Variants in NTM observed in about 807,000 individuals in gnomAD.
The protein encoded by NTM is neurotrimin.
NTM carries 13 observed loss-of-function variants against 42.1 expected under a neutral mutation model. That is an observed-to-expected ratio of 0.31 (90% CI 0.20 to 0.49). The LOEUF is 0.49. Among genes scored for constraint, NTM ranks in the 20% least tolerant of loss-of-function variants. The pLI is 0.99. For missense variants in NTM, 373 were observed against 452.8 expected (o/e 0.82, Z 1.60); for synonymous variants, 187 against 179.2 (o/e 1.04, Z -0.35).
chr11:131,966,894 G>T (rs2062905036), intron 2 of NTM, among the ~76,000 whole-genome samples: 1 of 152,204 alleles, frequency 6.6e-6, no homozygotes, highest in Non-Finnish European at 1.5e-5. Flanking sequence ...ACAGATGGTG[G>T]TGAGGAAGGT....
At chr11:131,554,788 T>C (rs970161494) in intron 1 of NTM, among the ~76,000 whole-genome samples, 1 of 152,142 alleles carries the variant, frequency 6.6e-6, no homozygotes, top group Admixed American at 6.5e-5. Flanking sequence ...TCCCTTCCTT[T>C]TTGGAGAACC....
chr11:131,437,239 G>C (rs1565499150), intron 1 of NTM, among the ~76,000 whole-genome samples: 1 of 152,204 alleles, frequency 6.6e-6, no homozygotes, highest in Non-Finnish European at 1.5e-5. Context: ...GCGATGTGGT[G>C]CTGAGAAGAA....
chr11:132,188,308 G>A (rs2078755823), intron 3 of NTM, among the ~76,000 whole-genome samples: 1 of 152,172 alleles, frequency 6.6e-6, no homozygotes, highest in Non-Finnish European at 1.5e-5. Context: ...AGGAGACAAA[G>A]CTGAAGACTT....
intron 2 of NTM, among the ~76,000 whole-genome samples, chr11:132,080,502 C>A (rs2058897201): frequency 6.6e-6 from 1 of 152,240 alleles, no homozygotes; most frequent in Non-Finnish European, 1.5e-5. Context: ...GACTAATGGG[C>A]AACTTTGGCT....
At chr11:131,794,544 C>T (rs1021810027) in intron 1 of NTM, 5 of 983,920 alleles carry the variant, frequency 5.1e-6, no homozygotes, top group Non-Finnish European at 6.0e-6. Context: ...CTGCTTTTTA[C>T]CTATTCATTC....
At position 131,389,463 on chromosome 11, in the gene NTM, C is replaced by T. The variant is rs746321028; in HGVS notation, c.82+18575C>T. Among the ~76,000 whole-genome samples, 50 of 152,276 alleles carry T rather than the reference C, an allele frequency of 3.3e-4. No individual in the cohort carries two copies. In the Middle Eastern group the frequency reaches 0.014, roughly 41 times the overall value. On this transcript the variant is annotated intron_variant, in intron 1 of 8. Coordinates refer to ENST00000683400, the MANE Select transcript of NTM (RefSeq NM_001352005.2). ...TCATTCGCCTTGGTGGCAGGTGTGC[C>T]GTGAGCCGCCCTACTTCCCGCTGTG...
intron 1 of NTM, among the ~76,000 whole-genome samples, chr11:131,667,351 C>G (rs2134573754): frequency 6.6e-6 from 1 of 152,264 alleles, no homozygotes; most frequent in East Asian, 1.9e-4. Context: ...ACTGGGTGAC[C>G]CTCAGTACCT....
intron 3 of NTM, among the ~76,000 whole-genome samples, chr11:132,179,092 C>T (rs546551851): frequency 4.6e-5 from 7 of 152,096 alleles, no homozygotes; most frequent in Non-Finnish European, 1.0e-4. Context: ...AAGAGAATTG[C>T]TCTTCTCAAA....
chr11:131,552,040 CA>C (rs982363373), intron 1 of NTM, among the ~76,000 whole-genome samples: 2 of 152,014 alleles, frequency 1.3e-5, no homozygotes, highest in African/African-American at 2.4e-5. Context: ...AAAGAGGACC[CA>C]AAAGGCCAAG....
intron 1 of NTM, among the ~76,000 whole-genome samples, chr11:131,602,545 T>C (rs2060580369): frequency 6.6e-6 from 1 of 152,184 alleles, no homozygotes; most frequent in South Asian, 2.1e-4. Flanking sequence ...CTAACATCCC[T>C]CTTTGGCATT....
At chr11:131,391,889 T>C (rs1206018953) in intron 1 of NTM, among the ~76,000 whole-genome samples, 1 of 152,076 alleles carries the variant, frequency 6.6e-6, no homozygotes, top group Non-Finnish European at 1.5e-5. Flanking sequence ...GAAAGAAGGC[T>C]GTATTAAGGG....
intron 3 of NTM, among the ~76,000 whole-genome samples, chr11:132,209,405 G>T (rs1029360452): frequency 4.0e-5 from 6 of 150,764 alleles, no homozygotes; most frequent in Non-Finnish European, 8.9e-5. Context: ...GTGTGTATGT[G>T]TATGTGTGTG....
At chr11:131,844,802 A>G (rs1437624691) in intron 1 of NTM, among the ~76,000 whole-genome samples, 1 of 152,194 alleles carries the variant, frequency 6.6e-6, no homozygotes, top group African/African-American at 2.4e-5. Context: ...TGATATTTCT[A>G]TATTCATCTT....
At chr11:131,547,969 A>G (rs1020953409) in intron 1 of NTM, among the ~76,000 whole-genome samples, 18 of 152,294 alleles carry the variant, frequency 1.2e-4, no homozygotes, top group Admixed American at 4.6e-4. Flanking sequence ...CTTGTTTTCA[A>G]TCATACCAAG....
chr11:132,046,207 T>C (rs1231460903), intron 2 of NTM, among the ~76,000 whole-genome samples: 1 of 152,228 alleles, frequency 6.6e-6, no homozygotes, highest in African/African-American at 2.4e-5. Flanking sequence ...CAGCACAGAC[T>C]GGACCAGTGT....
chr11:132,106,202 A>G (rs1217712198), intron 2 of NTM, among the ~76,000 whole-genome samples: 1 of 152,246 alleles, frequency 6.6e-6, no homozygotes, highest in African/African-American at 2.4e-5. Context: ...ATGTTGAGTT[A>G]TAAATGAACA....
intron 4 of NTM, among the ~76,000 whole-genome samples, chr11:132,264,882 G>A (rs115339595): frequency 3.0e-4 from 45 of 152,302 alleles, no homozygotes; most frequent in African/African-American, 1.1e-3. Context: ...GAGCATGGAT[G>A]ACAGCTCAAG....
intron 5 of NTM, 184 bp from the exon 6 acceptor site, chr11:132,309,928 C>T (rs2095228305): frequency 9.7e-6 from 3 of 307,770 alleles, no homozygotes; most frequent in Non-Finnish European, 1.4e-5. Flanking sequence ...TGGTGCCGTG[C>T]ACCTGTAATC....
At position 131,429,209 on chromosome 11, in the gene NTM, C is replaced by T. The variant is rs113451813; in HGVS notation, c.82+58321C>T. Among the ~76,000 whole-genome samples the T allele has an allele frequency of 4.9e-3, 751 of 152,204 alleles. 3 individuals are homozygous for T. The highest frequency in any genetic ancestry group is 7.3e-3 in the Non-Finnish European group (497 of 68,018). On this transcript the variant is annotated intron_variant, in intron 1 of 8. Coordinates refer to ENST00000683400, the MANE Select transcript of NTM (RefSeq NM_001352005.2). ...TGGTGACAAGAAAACTGAAAATGAA[C>T]GTTGTGATTCCCTAAGCCTCTCAGG...
Sources: gnomAD v4.1 joint callset for allele counts (sites outside exome capture counted in the v4.1 genomes callset) on GRCh38, gnomAD v4.1.1 for gene constraint, MANE v1.5 for transcripts, NCBI Gene and HGNC (gene_info 2026-07-23, HGNC 2026-07-21) for gene names.